The following CDH24 variants were observed in gnomAD, a reference collection of about 807,000 sequenced individuals.
CDH24 encodes cadherin-24.
CDH24 carries 61 observed loss-of-function variants against 71.2 expected under a neutral mutation model. The observed-to-expected ratio is 0.86, with a 90% CI of 0.70 to 1.06. CDH24 has a LOEUF of 1.06. CDH24 is among the 50% of genes least tolerant of loss of function. The pLI is 0.00. For missense variants in CDH24, 961 were observed against 1,083.7 expected, an observed-to-expected ratio of 0.89 and a Z score of 1.59; for synonymous variants, 440 against 470.2, an observed-to-expected ratio of 0.94 and a Z score of 0.83.
chr14:23,055,096 C>A lies in CDH24; in HGVS notation c.459G>T (p.Gly153=). The change falls in exon 3 of 13, where the codon GGG becomes GGT. Residue 153 remains glycine, a synonymous_variant. Transcript: ENST00000487137. This position sits in a 1 kb window ranked among gnomAD's most constrained non-coding sequence, Gnocchi z 4.1. ...INDNPPIFPL[G]PYHATVPEMS... The stretch of plus-strand genomic sequence containing the variant: ...TCTCGGGCACGGTGGCATGGTAGGG[C>A]CCAAGGGGAAAAATGGGTGGATTGT... The A allele has an allele frequency of 3.1e-6, 5 of 1,613,614 alleles. No homozygotes were observed. The highest frequency in any genetic ancestry group is 4.2e-6 in the Non-Finnish European group (5 of 1,179,726).
chr14:23,052,080 C>T (rs1344893252), intron 8 of CDH24: 17 of 1,536,044 alleles, frequency 1.1e-5, no homozygotes, highest in Non-Finnish European at 1.5e-5. Context: ...CCCCCAGCTC[C>T]AGCCTGAAGC....
rs1478691334 is a variant in CDH24, at chr14:23,054,063, G to A, written c.972+78C>T. 22 of 1,406,860 alleles carry A rather than the reference G, an allele frequency of 1.6e-5. No homozygotes were observed. The highest frequency in any genetic ancestry group is 6.6e-5 in the Admixed American group (3 of 45,380). 87.1% of individuals were successfully genotyped at this position (1,406,860 alleles called of 1,614,324 possible). On this transcript the variant is annotated intron_variant, in intron 6 of 12. Coordinates refer to ENST00000487137, the MANE Select transcript of CDH24 (RefSeq NM_144985.4). This position sits in a 1 kb window ranked among gnomAD's most constrained non-coding sequence, Gnocchi z 5.2. ...ACAGAGAGATCCTGAGTCTGTTCTA[G>A]AAGAACAGTTAAATATGTGCCCTGT...
Position 23,054,580 on chromosome 14 carries a change from C to G in CDH24, c.710G>C (p.Gly237Ala). The part of the protein sequence containing the change: ...IQAKDMGGHM[G>A]GLSGSTTVTV... ...CACCGTAGTGCTGCCTGACAGCCCC[C>G]CCATGTGGCCGCCCATGTCCTTGGC... Residue 237 changes from glycine (G) to alanine (A), a missense_variant, in exon 5 of 13, where the codon GGG becomes GCG. Physicochemically the swap from Gly to Ala is moderately conservative, Grantham distance 60. This residue lies in a region of CDH24 where 671 missense variants were observed against 810.9 expected (regional missense o/e 0.83). Coordinates refer to ENST00000487137, the MANE Select transcript of CDH24 (RefSeq NM_144985.4). This position sits in a 1 kb window ranked among gnomAD's most constrained non-coding sequence, Gnocchi z 5.2. 2 of 1,614,118 alleles carry G rather than the reference C, an allele frequency of 1.2e-6. No homozygotes were observed. Among genetic ancestry groups the G allele is most frequent in the Non-Finnish European group, 8.5e-7 (1 of 1,179,994 alleles).
chr14:23,053,712 C>G lies in CDH24; in HGVS notation c.1010G>C (p.Arg337Pro), dbSNP rs370840001. Residue 337 changes from arginine (R) to proline (P), a missense_variant, in exon 7 of 13, where the codon CGT (arginine) becomes CCT (proline). Physicochemically the swap from Arg to Pro is moderately radical, Grantham distance 103 (BLOSUM62 -2). Around this residue, in one of 2 missense-constraint regions of CDH24, gnomAD observed 671 missense variants for 810.9 expected, o/e 0.83. Coordinates refer to ENST00000487137, the MANE Select transcript of CDH24 (RefSeq NM_144985.4). ...DFESQRSYSF[R>P]VEATNTLIDP... Reference sequence around the variant, plus strand: ...AATGAGCGTGTTGGTGGCCTCGACACGGAAGGAGTAGGAGCGCTGGCTCTC... The same window carrying G: ...AATGAGCGTGTTGGTGGCCTCGACAGGGAAGGAGTAGGAGCGCTGGCTCTC... 4 of 1,612,468 alleles carry G rather than the reference C, an allele frequency of 2.5e-6. No individual in the cohort carries two copies. Among genetic ancestry groups the G allele is most frequent in the Non-Finnish European group, 3.4e-6 (4 of 1,179,594 alleles).
In CDH24 at chr14:23,055,827, G is replaced by C. The variant is rs2047125566; in HGVS notation, c.-94C>G. On this transcript the variant is annotated 5_prime_UTR_variant, in exon 2 of 13. In the 5' UTR this introduces an upstream ATG that the reference lacks. Transcript: ENST00000487137. This position sits in a 1 kb window ranked among gnomAD's most constrained non-coding sequence, Gnocchi z 4.1. ...ATGAGCTGGCTGGGGTGGAGGGGCAGATGCGTTGAGGCTACCCCATGGATC... is the reference window on the plus strand; with the variant it reads ...ATGAGCTGGCTGGGGTGGAGGGGCACATGCGTTGAGGCTACCCCATGGATC... The C allele has an allele frequency of 9.4e-7, 1 of 1,069,094 alleles. No homozygotes were observed. Among genetic ancestry groups the C allele is most frequent in the South Asian group, 1.7e-5 (1 of 59,810 alleles). The allele number at this position is 1,069,094 out of a possible 1,614,324, so 66.2% of individuals were successfully genotyped here. A position where few individuals can be genotyped will look rare whatever the true frequency, so the allele number is the denominator to read the frequency against.
rs774731495 is a variant in CDH24 at position 23,055,399 on chromosome 14, C to T, written c.202-46G>A. 36 of 1,593,008 alleles carry T rather than the reference C, an allele frequency of 2.3e-5. No homozygotes were observed. In the Admixed American group the frequency reaches 5.9e-4, roughly 26 times the overall value. ...TGGCAGAGGGCTCCAAGTACAGAGA[C>T]AGGGTTAAAGAGTCTAGGTTTGGGT... On this transcript the variant is annotated intron_variant, in intron 2 of 12. Coordinates refer to ENST00000487137, the MANE Select transcript of CDH24 (RefSeq NM_144985.4). This position sits in a 1 kb window ranked among gnomAD's most constrained non-coding sequence, Gnocchi z 4.1.
At position 23,054,928 on chromosome 14, in the gene CDH24, T is replaced by TG. The variant is rs11418548; in HGVS notation, c.497-63dup. ...GGGAAGGATGGGGAAGAACAACCGA[T>TG]GGGGGGGGATGCAGATACGAGGGAG... On this transcript the variant is annotated intron_variant, in intron 3 of 12. Coordinates refer to ENST00000487137, the MANE Select transcript of CDH24 (RefSeq NM_144985.4). This position sits in a 1 kb window ranked among gnomAD's most constrained non-coding sequence, Gnocchi z 5.2. The TG allele has an allele frequency of 0.37, 584,390 of 1,574,020 alleles. 108,047 individuals are homozygous for TG. Among genetic ancestry groups the TG allele is most frequent in the African/African-American group, 0.54 (39,024 of 72,706 alleles).
At position 23,054,719 on chromosome 14, in the gene CDH24, C is replaced by G; in HGVS notation, c.616+28G>C. 6.2e-7 allele frequency: 1 copy of G among 1,613,990 alleles called. No homozygotes were observed. On this transcript the variant is annotated intron_variant, in intron 4 of 12. Coordinates refer to ENST00000487137, the MANE Select transcript of CDH24 (RefSeq NM_144985.4). The surrounding 1 kb of genome is among the most constrained non-coding windows in gnomAD (Gnocchi z 5.2). ...GAGGGTGTCTGTCCCCTTGGCTGCC[C>G]CACCGGGCTCCCAGGCTCCATCCTC...
At chr14:23,049,348 C>A in intron 10 of CDH24, 73 bp from the exon 11 acceptor site, 1 of 1,423,150 alleles carries the variant, frequency 7.0e-7, no homozygotes, top group Non-Finnish European at 9.5e-7. Context: ...CCCATAGAGC[C>A]AGCTTCCCAT....
At chr14:23,048,897 G>T in intron 11 of CDH24, 130 bp downstream of exon 11, 1 of 1,023,034 alleles carries the variant, frequency 9.8e-7, no homozygotes. Context: ...TGCATCAGGT[G>T]GTGGGAAAAT....
intron 7 of CDH24, among the ~76,000 whole-genome samples, chr14:23,053,057 G>A (rs1417823877): frequency 6.6e-6 from 1 of 152,126 alleles, no homozygotes; most frequent in Non-Finnish European, 1.5e-5. Flanking sequence ...GGCCGGGGAG[G>A]GGGAAAGAGT....
Position 23,054,166 on chromosome 14 carries a change from C to T in CDH24, c.947G>A (p.Arg316Gln), listed in dbSNP as rs1451228517. 5.0e-6 allele frequency: 8 copies of T among 1,607,460 alleles called. No individual in the cohort carries two copies. The highest frequency in any genetic ancestry group is 1.6e-4 in the Middle Eastern group (1 of 6,062). Reference protein sequence around the residue: ...AFSISTDLQGRDGLLTVRKPL... With the variant: ...AFSISTDLQGQDGLLTVRKPL... Reference sequence around the variant, plus strand: ...CTTGCGGACAGTGAGGAGCCCGTCTCGACCCTGCAAGTCTGTGCTGATGCT... The same window carrying T: ...CTTGCGGACAGTGAGGAGCCCGTCTTGACCCTGCAAGTCTGTGCTGATGCT... The change falls in exon 6 of 13, where the codon CGA becomes CAA. Residue 316 changes from arginine (R) to glutamine (Q), a missense_variant. By Grantham distance (43) the Arg-to-Gln change is conservative. Coordinates refer to ENST00000487137, the MANE Select transcript of CDH24 (RefSeq NM_144985.4). The surrounding 1 kb of genome is among the most constrained non-coding windows in gnomAD (Gnocchi z 5.2).
chr14:23,049,516 G>A (rs2139941105), intron 10 of CDH24, 111 bp downstream of exon 10: 1 of 743,040 alleles, frequency 1.3e-6, no homozygotes. Flanking sequence ...TCTTCTGTTG[G>A]GTAGAAGGCC....
intron 8 of CDH24, among the ~76,000 whole-genome samples, chr14:23,050,947 G>C (rs567845196): frequency 6.6e-6 from 1 of 152,076 alleles, no homozygotes; most frequent in Non-Finnish European, 1.5e-5. Context: ...TCTTCCCTGC[G>C]GTAAGGGCCC....
chr14:23,050,717 C>T (rs775216275), intron 8 of CDH24, among the ~76,000 whole-genome samples: 3 of 152,246 alleles, frequency 2.0e-5, no homozygotes, highest in Non-Finnish European at 4.4e-5. Flanking sequence ...CCTTGCTTCT[C>T]ACTGCCAGTG....
Position 23,047,709 on chromosome 14 carries a change from C to G in CDH24, c.*271G>C, listed in dbSNP as rs772085574. ...AAGGAGAGGAATCACAGTGAGAGAT[C>G]GCAGGGCCAGGGCCAGGGCAGGAAA... On this transcript the variant is annotated 3_prime_UTR_variant, in exon 12 of 13. Coordinates refer to ENST00000487137, the MANE Select transcript of CDH24 (RefSeq NM_144985.4). 1 of 312,076 alleles carries G rather than the reference C, an allele frequency of 3.2e-6. No homozygotes were observed. The highest frequency in any genetic ancestry group is 5.0e-5 in the Admixed American group (1 of 19,856). 19.3% of individuals were successfully genotyped at this position (312,076 alleles called of 1,614,324 possible). A position where few individuals can be genotyped will look rare whatever the true frequency, so the allele number is the denominator to read the frequency against.
Position 23,055,486 on chromosome 14 carries a change from G to A in CDH24, c.201+47C>T, listed in dbSNP as rs2047121634. On this transcript the variant is annotated intron_variant, in intron 2 of 12. Transcript: ENST00000487137. The surrounding 1 kb of genome is among the most constrained non-coding windows in gnomAD (Gnocchi z 4.1). ...AGAAGTGATGAAGTTGCAGGGCAGG[G>A]CCTGAGGGCTTGGTGTCAGAGTAGA... is the stretch of plus-strand genomic sequence containing the variant. 1.9e-6 allele frequency: 3 copies of A among 1,604,836 alleles called. No homozygotes were observed. In the African/African-American group the frequency reaches 4.0e-5, roughly 21 times the overall value.
intron 11 of CDH24, 97 bp downstream of exon 11, chr14:23,048,930 C>A: frequency 1.4e-6 from 2 of 1,436,860 alleles, no homozygotes; most frequent in Non-Finnish European, 1.9e-6. Context: ...GTCGTTCAAG[C>A]CCTAAGGTGG....
In CDH24 at chr14:23,055,970, T is replaced by A. The variant is rs2047126948; in HGVS notation, c.-124-113A>T. On this transcript the variant is annotated intron_variant, in intron 1 of 12. Coordinates refer to ENST00000487137, the MANE Select transcript of CDH24 (RefSeq NM_144985.4). This position sits in a 1 kb window ranked among gnomAD's most constrained non-coding sequence, Gnocchi z 4.1. ...AACCAGACACTCCACTGCCCAGAAC[T>A]CAGACTAAGACAGAGAGCAGAGAGG... The A allele has an allele frequency of 9.5e-6, 5 of 523,674 alleles. No homozygotes were observed. Among genetic ancestry groups the A allele is most frequent in the Non-Finnish European group, 1.7e-5 (5 of 293,024 alleles). The allele number at this position is 523,674 out of a possible 1,614,324, so 32.4% of individuals were successfully genotyped here.
Sources: gnomAD v4.1 joint callset for allele counts (sites outside exome capture counted in the v4.1 genomes callset) on GRCh38, gnomAD v4.1.1 for gene constraint, gnomAD v4.1.1 regional missense constraint, Gnocchi (gnomAD v3.1) non-coding constraint, MANE v1.5 for transcripts, NCBI Gene and HGNC (gene_info 2026-07-23, HGNC 2026-07-21) for gene names.